VWA2: variants seen among roughly 807,000 people sequenced by gnomAD.
VWA2 encodes von Willebrand factor A domain-containing protein 2.
In VWA2, 73 loss-of-function variants were observed where a neutral mutation model predicts 70.4. The observed-to-expected ratio is 1.04, with a 90% CI of 0.86 to 1.26. The LOEUF is 1.26. Among genes scored for constraint, VWA2 ranks in the 50% most tolerant of loss-of-function variants. The probability of loss-of-function intolerance (pLI) is 0.00; values close to 1 mark genes in which losing one functional copy is unlikely to be tolerated. For synonymous variants in VWA2, 407 were observed against 423.3 expected (o/e 0.96, Z 0.47); for missense variants, 1,011 against 998.5 (o/e 1.01, Z -0.17).
At chr10:114,282,833 C>T (rs1482103743) in intron 9 of VWA2, among the ~76,000 whole-genome samples, 2 of 152,144 alleles carry the variant, frequency 1.3e-5, no homozygotes, top group Non-Finnish European at 2.9e-5. Context: ...AGGCAGGCAC[C>T]GAGCACCAGC....
intron 11 of VWA2, among the ~76,000 whole-genome samples, chr10:114,286,889 G>C (rs1424325747): frequency 6.6e-6 from 1 of 152,170 alleles, no homozygotes; most frequent in Admixed American, 6.5e-5. Flanking sequence ...CTCCTTTGAT[G>C]GCAATCCACA....
At chr10:114,285,217 C>T (rs1444851841) in intron 10 of VWA2, among the ~76,000 whole-genome samples, 1 of 152,168 alleles carries the variant, frequency 6.6e-6, no homozygotes, top group East Asian at 1.9e-4. Flanking sequence ...ATGGTCACTG[C>T]TTGAAGTTTG....
intron 1 of VWA2, among the ~76,000 whole-genome samples, chr10:114,242,675 G>A (rs2133274276): frequency 9.3e-5 from 1 of 10,702 alleles, no homozygotes; most frequent in Admixed American, 1.3e-3. Flanking sequence ...TCCTGGGCTG[G>A]ACTCTAAGCT....
At position 114,281,576 on chromosome 10, in the gene VWA2, C is replaced by T. The variant is rs539361199; in HGVS notation, c.834-940C>T. The T allele has an allele frequency of 1.1e-4, 24 of 218,560 alleles. 2 individuals carry two copies. The South Asian group carries it at 3.6e-3, about 32-fold the overall frequency. The allele number at this position is 218,560 out of a possible 1,614,324, so 13.5% of individuals were successfully genotyped here. On this transcript the variant is annotated intron_variant, in intron 8 of 13. Coordinates refer to ENST00000392982, the MANE Select transcript of VWA2 (RefSeq NM_001272046.2). ...AGGAATGGTGGCTGCTGTGTTATCA[C>T]AGAACGTTAGTTCTCCAGCAGACCT...
At chr10:114,289,604 C>T (rs2039350506) in intron 12 of VWA2, 115 bp downstream of exon 12, 5 of 1,218,686 alleles carry the variant, frequency 4.1e-6, no homozygotes, top group Non-Finnish European at 5.9e-6. Flanking sequence ...GCACTTGCTT[C>T]CCAAGTGCCA....
chr10:114,269,908 G>A (rs553799878), intron 5 of VWA2, among the ~76,000 whole-genome samples: 2 of 152,292 alleles, frequency 1.3e-5, no homozygotes, highest in Non-Finnish European at 2.9e-5. Context: ...CAAAGCCACC[G>A]AAGCACCTTG....
chr10:114,271,950 C>T (rs1411528821), intron 5 of VWA2, among the ~76,000 whole-genome samples: 1 of 152,192 alleles, frequency 6.6e-6, no homozygotes, highest in Non-Finnish European at 1.5e-5. Context: ...AATTCCGTAA[C>T]CTAAAATCCA....
In VWA2 at chr10:114,289,445, A is replaced by G; in HGVS notation, c.2078A>G (p.Asp693Gly). 1 of 1,614,146 alleles carries G rather than the reference A, an allele frequency of 6.2e-7. No individual in the cohort carries two copies. Among genetic ancestry groups the G allele is most frequent in the Non-Finnish European group, 8.5e-7 (1 of 1,180,024 alleles). Residue 693 changes from aspartate (D) to glycine (G), a missense_variant, in exon 12 of 14, where the codon GAC becomes GGC. Physicochemically the swap from Asp to Gly is moderately conservative, Grantham distance 94. Transcript: ENST00000392982. ...DSLIHVAAYA[D>G]LRYHQDVLIE... ...CTGATCCACGTGGCAGCTTACGCCG[A>G]CCTGCGGTACCACCAGGACGTGCTC...
chr10:114,257,858 A>C (rs1471732016), intron 4 of VWA2, among the ~76,000 whole-genome samples: 1 of 152,214 alleles, frequency 6.6e-6, no homozygotes, highest in Admixed American at 6.5e-5. Context: ...TGGGCCAAAC[A>C]GTCAGTGCCC....
rs751588409 is a variant in VWA2, at chr10:114,278,764, T to C, written c.746T>C (p.Met249Thr). ...CCCTGTGAGCACAGGACGCTGGAGA[T>C]GGTCCGGGAGTTCGCTGGCAATGCC... ...AHPCEHRTLE[M>T]VREFAGNAPC... is the part of the protein sequence containing the mutation. Residue 249 changes from methionine (M) to threonine (T), a missense_variant, in exon 8 of 14, where the codon ATG (methionine) becomes ACG (threonine). Transcript: ENST00000392982. 2.5e-6 allele frequency: 4 copies of C among 1,613,910 alleles called. No homozygotes were observed. The South Asian group carries it at 3.3e-5, about 13-fold the overall frequency.
intron 6 of VWA2, among the ~76,000 whole-genome samples, chr10:114,276,700 G>A (rs976913229): frequency 4.8e-5 from 1 of 20,760 alleles, no homozygotes; most frequent in Admixed American, 4.6e-4. Flanking sequence ...TTTTTTTTTT[G>A]TAGAGACAGG....
intron 1 of VWA2, among the ~76,000 whole-genome samples, chr10:114,244,475 C>T (rs9663775): frequency 0.17 from 26,332 of 152,170 alleles, 2,526 homozygotes; most frequent in African/African-American, 0.24. Context: ...GTCTCAGCTT[C>T]CTCACCTGTG....
At chr10:114,282,127 C>T (rs2038208626) in intron 8 of VWA2, among the ~76,000 whole-genome samples, 1 of 149,256 alleles carries the variant, frequency 6.7e-6, no homozygotes, top group Non-Finnish European at 1.5e-5. Context: ...CTGCCTCAGC[C>T]TGCTAAGCTG....
chr10:114,251,945 G>A (rs1030719351), intron 2 of VWA2, among the ~76,000 whole-genome samples: 3 of 150,288 alleles, frequency 2.0e-5, no homozygotes, highest in Non-Finnish European at 4.4e-5. Flanking sequence ...CCTCAGCCTC[G>A]AAAGTAGCCT....
At position 114,278,770 on chromosome 10, in the gene VWA2, G is replaced by T. The variant is rs754852186; in HGVS notation, c.752G>T (p.Arg251Leu). Residue 251 changes from arginine to leucine, a missense_variant, in exon 8 of 14, where the codon CGG (arginine) becomes CTG (leucine). Arg to Leu is a moderately radical substitution (Grantham distance 102). Coordinates refer to ENST00000392982, the MANE Select transcript of VWA2 (RefSeq NM_001272046.2). ...PCEHRTLEMV[R>L]EFAGNAPCWR... ...GAGCACAGGACGCTGGAGATGGTCC[G>T]GGAGTTCGCTGGCAATGCCCCATGC... 15 of 1,613,776 alleles carry T rather than the reference G, an allele frequency of 9.3e-6. No homozygotes were observed. In the South Asian group the frequency reaches 1.6e-4, roughly 18 times the overall value.
Position 114,255,032 on chromosome 10 carries a change from A to T in VWA2, c.245A>T (p.Asp82Val). The T allele has an allele frequency of 6.2e-7, 1 of 1,612,420 alleles. No individual in the cohort carries two copies. The highest frequency in any genetic ancestry group is 8.5e-7 in the Non-Finnish European group (1 of 1,179,908). ...HFAITVCDGL[D>V]ISPERVRVGA... ...GCCATCACAGTCTGTGACGGTCTGGACATCAGCCCCGAGAGGGTGAGTGCA... is the reference window on the plus strand; with the variant it reads ...GCCATCACAGTCTGTGACGGTCTGGTCATCAGCCCCGAGAGGGTGAGTGCA... Residue 82 changes from aspartate (D) to valine (V), a missense_variant, in exon 4 of 14, where the codon GAC (aspartate) becomes GTC (valine). Transcript: ENST00000392982.
intron 4 of VWA2, among the ~76,000 whole-genome samples, 170 bp from the exon 5 acceptor site, chr10:114,261,016 C>T (rs2037433874): frequency 1.3e-5 from 2 of 152,200 alleles, no homozygotes. Context: ...TCCAGGTTCT[C>T]CAAATTGGTC....
At chr10:114,255,164 G>GT (rs2037297192) in intron 4 of VWA2, 116 bp downstream of exon 4, 1 of 1,309,822 alleles carries the variant, frequency 7.6e-7, no homozygotes, top group African/African-American at 1.5e-5. Context: ...AGACCAAGGG[G>GT]CTGAATCCTG....
intron 2 of VWA2, 63 bp from the exon 3 acceptor site, chr10:114,253,588 T>C (rs973509950): frequency 1.4e-6 from 2 of 1,421,262 alleles, no homozygotes. Flanking sequence ...TCACTTAATG[T>C]GGAGATTGAG....
Sources: allele counts gnomAD v4.1 joint callset (sites outside exome capture counted in the v4.1 genomes callset), GRCh38; gene constraint gnomAD v4.1.1; transcripts MANE v1.5; gene names NCBI Gene and HGNC (gene_info 2026-07-23, HGNC 2026-07-21).